The following RMND1 variants were observed in gnomAD, a reference collection of about 807,000 sequenced individuals.
The protein encoded by RMND1 is required for meiotic nuclear division protein 1 homolog.
RMND1 carries 41 observed loss-of-function variants against 54.0 expected under a neutral mutation model. The observed-to-expected ratio is 0.76, with a 90% CI of 0.59 to 0.98. The LOEUF (loss-of-function observed/expected upper bound fraction) is 0.98. RMND1 is among the 50% of genes least tolerant of loss of function. The probability of loss-of-function intolerance (pLI) is 0.00; values close to 1 mark genes in which losing one functional copy is unlikely to be tolerated. For synonymous variants in RMND1, 183 were observed against 181.7 expected, an observed-to-expected ratio of 1.01 and a Z score of -0.06; for missense variants, 457 against 532.0, an observed-to-expected ratio of 0.86 and a Z score of 1.39.
intron 2 of RMND1, among the ~76,000 whole-genome samples, chr6:151,439,955 C>G (rs772582744): frequency 6.6e-6 from 1 of 152,026 alleles, no homozygotes; most frequent in Non-Finnish European, 1.5e-5. Context: ...TGACCGCACC[C>G]GGCCTATTTA....
At chr6:151,425,050 C>T (rs1780256934) in intron 6 of RMND1, among the ~76,000 whole-genome samples, 1 of 152,164 alleles carries the variant, frequency 6.6e-6, no homozygotes, top group African/African-American at 2.4e-5. Context: ...TCCAGCGATT[C>T]TCCTGCCTCA....
chr6:151,426,309 G>GA (rs1780296552), intron 6 of RMND1, among the ~76,000 whole-genome samples: 1 of 152,098 alleles, frequency 6.6e-6, no homozygotes, highest in Admixed American at 6.6e-5. Context: ...ACTCCATGAG[G>GA]AAAAAGACAC....
chr6:151,405,446 T>C (rs1026542457), intron 11 of RMND1, among the ~76,000 whole-genome samples, 179 bp from the exon 12 acceptor site: 4 of 152,198 alleles, frequency 2.6e-5, no homozygotes, highest in Admixed American at 6.5e-5. Context: ...GAGCTGTACA[T>C]TATAAATTTA....
intron 10 of RMND1, among the ~76,000 whole-genome samples, chr6:151,415,634 C>CA (rs942343157): frequency 7.3e-5 from 11 of 149,998 alleles, no homozygotes; most frequent in Non-Finnish European, 1.6e-4. Flanking sequence ...ACTAAAAATA[C>CA]AAAAAAAAAT....
rs1562780174 is a variant in RMND1 at position 151,406,359 on chromosome 6, T to TTGTTGTTGTTG, written c.1201-524_1201-523insCAACAACAACA. 7.9e-5 allele frequency among the ~76,000 whole-genome samples: 9 copies of TTGTTGTTGTTG among 114,394 alleles called. 1 individual carries two copies. The highest frequency in any genetic ancestry group is 7.8e-4 in the East Asian group (2 of 2,572). The allele number at this position is 114,394 out of a possible 152,430, so 75.0% of individuals were successfully genotyped here. A position where few individuals can be genotyped will look rare whatever the true frequency, so the allele number is the denominator to read the frequency against. The stretch of plus-strand genomic sequence containing the variant: ...AAATTTGGATGTGACAACTTTTTTT[T>TTGTTGTTGTTG]TTGTTGTTGTTGTTGTTTTTTGGGA... On this transcript the variant is annotated intron_variant, in intron 10 of 11. Coordinates refer to ENST00000444024, the MANE Select transcript of RMND1 (RefSeq NM_017909.4).
intron 3 of RMND1, among the ~76,000 whole-genome samples, chr6:151,433,827 T>G (rs931057295): frequency 9.9e-4 from 149 of 150,454 alleles, no homozygotes; most frequent in African/African-American, 3.3e-3. Context: ...AAAAAAAAGT[T>G]TTTTTTTTGT....
chr6:151,411,009 G>C (rs1349051052), intron 10 of RMND1, among the ~76,000 whole-genome samples: 1 of 152,036 alleles, frequency 6.6e-6, no homozygotes, highest in Admixed American at 6.6e-5. Flanking sequence ...ACCCAGGCTG[G>C]AGTGCAGTGG....
intron 2 of RMND1, among the ~76,000 whole-genome samples, chr6:151,437,773 C>T (rs1731735096): frequency 6.6e-6 from 1 of 152,286 alleles, no homozygotes; most frequent in South Asian, 2.1e-4. Flanking sequence ...GGCTCTTTCT[C>T]ATGAAATGGC....
chr6:151,405,165 G>C lies in RMND1; in HGVS notation c.*70C>G, dbSNP rs1065310. 0.28 allele frequency: 407,918 copies of C among 1,447,650 alleles called. 66,723 individuals carry two copies. The highest frequency in any genetic ancestry group is 0.62 in the East Asian group (27,019 of 43,674). The allele number at this position is 1,447,650 out of a possible 1,614,324, so 89.7% of individuals were successfully genotyped here. A position where few individuals can be genotyped will look rare whatever the true frequency, so the allele number is the denominator to read the frequency against. On this transcript the variant is annotated 3_prime_UTR_variant, in exon 12 of 12. Transcript: ENST00000444024. ...GATTACAGGCATGAGGCACCGCGCCGGGCCGAACATTTAATTTTTGATTGT... is the reference window on the plus strand; with the variant it reads ...GATTACAGGCATGAGGCACCGCGCCCGGCCGAACATTTAATTTTTGATTGT...
intron 6 of RMND1, among the ~76,000 whole-genome samples, chr6:151,425,367 T>C (rs759196038): frequency 8.6e-5 from 13 of 152,032 alleles, no homozygotes; most frequent in Non-Finnish European, 1.8e-4. Context: ...CGAAACAAAA[T>C]AACTGACTCT....
chr6:151,435,920 C>T (rs1405350052), intron 3 of RMND1, among the ~76,000 whole-genome samples: 1 of 151,278 alleles, frequency 6.6e-6, no homozygotes, highest in Non-Finnish European at 1.5e-5. Context: ...GCCTGACCAA[C>T]ATGGAGAAAC....
At chr6:151,449,229 C>T (rs908654484) in intron 1 of RMND1, among the ~76,000 whole-genome samples, 8 of 151,954 alleles carry the variant, frequency 5.3e-5, no homozygotes, top group African/African-American at 1.9e-4. Flanking sequence ...ATTAGCTGAG[C>T]GTGGCGGCGG....
chr6:151,440,848 C>T (rs181667755), intron 2 of RMND1, among the ~76,000 whole-genome samples: 34 of 152,060 alleles, frequency 2.2e-4, no homozygotes, highest in Admixed American at 1.9e-3. Flanking sequence ...ATTAAAGATG[C>T]TGTTGTTTTC....
chr6:151,419,165 A>C (rs961644378), intron 9 of RMND1, among the ~76,000 whole-genome samples: 1 of 151,850 alleles, frequency 6.6e-6, no homozygotes, highest in Non-Finnish European at 1.5e-5. Flanking sequence ...CCTGGGTTCA[A>C]CCAATTCTCA....
At chr6:151,451,223 A>G (rs1036305872) in intron 1 of RMND1, among the ~76,000 whole-genome samples, 3 of 149,774 alleles carry the variant, frequency 2.0e-5, no homozygotes, top group African/African-American at 7.3e-5. Flanking sequence ...AAAAAAACAC[A>G]ACCAGCATCC....
intron 2 of RMND1, chr6:151,444,560 C>T (rs1007311232): frequency 2.0e-5 from 3 of 152,144 alleles, no homozygotes; most frequent in South Asian, 2.1e-4. Flanking sequence ...TGAAGACAGA[C>T]ATTCTAACCT....
At chr6:151,423,772 G>A in intron 6 of RMND1, 141 bp from the exon 7 acceptor site, 1 of 641,742 alleles carries the variant, frequency 1.6e-6, no homozygotes. Context: ...CATATCCTTT[G>A]GTCCAGGTAA....
At chr6:151,451,826 CA>C (rs1781210684) in intron 1 of RMND1, among the ~76,000 whole-genome samples, 189 bp downstream of exon 1, 2 of 151,536 alleles carry the variant, frequency 1.3e-5, no homozygotes, top group Non-Finnish European at 2.9e-5. Flanking sequence ...TGCACTGGCT[CA>C]AAAAAAGGGT....
chr6:151,435,399 G>A lies in RMND1; in HGVS notation c.613+1047C>T, dbSNP rs1185736048. On this transcript the variant is annotated intron_variant, in intron 3 of 11. Transcript: ENST00000444024. ...GACCTCAAATGATCCACCCACCTCA[G>A]CCTCCCAAAGTGCTGGGATTACAGG... Among the ~76,000 whole-genome samples, 5 of 152,074 alleles carry A rather than the reference G, an allele frequency of 3.3e-5. No individual in the cohort carries two copies. The East Asian group carries it at 9.6e-4, about 29-fold the overall frequency.
Sources: gnomAD v4.1 joint callset for allele counts (sites outside exome capture counted in the v4.1 genomes callset) on GRCh38, gnomAD v4.1.1 for gene constraint, MANE v1.5 for transcripts, NCBI Gene and HGNC (gene_info 2026-07-23, HGNC 2026-07-21) for gene names.